Variants in RIN3 observed in about 807,000 individuals in gnomAD.
RIN3 encodes the protein Ras and Rab interactor 3, also known as RAB5 interacting protein 3.
RIN3 carries 54 observed loss-of-function variants against 76.3 expected under a neutral mutation model. The observed-to-expected ratio is 0.71, with a 90% CI of 0.57 to 0.89. RIN3 has a LOEUF of 0.89. Among genes scored for constraint, RIN3 ranks in the 40% least tolerant of loss-of-function variants. The pLI is 0.00. For missense variants in RIN3, 1,256 were observed against 1,322.1 expected, an observed-to-expected ratio of 0.95 and a Z score of 0.78; for synonymous variants, 576 against 564.0, an observed-to-expected ratio of 1.02 and a Z score of -0.30.
Position 92,568,551 on chromosome 14 carries a change from C to A in RIN3, c.250-8809C>A, listed in dbSNP as rs1223248130. Reference sequence around the variant, plus strand: ...CTCCCCAGAGAGGAACAGAACAGACCCTCTGATTCCAGTTGGCCAAGGCAG... The same window carrying A: ...CTCCCCAGAGAGGAACAGAACAGACACTCTGATTCCAGTTGGCCAAGGCAG... On this transcript the variant is annotated intron_variant, in intron 2 of 9. Transcript: ENST00000216487. The surrounding 1 kb of genome is among the most constrained non-coding windows in gnomAD (Gnocchi z 4.2). Among the ~76,000 whole-genome samples the A allele has an allele frequency of 1.3e-5, 2 of 152,226 alleles. No individual in the cohort carries two copies. The highest frequency in any genetic ancestry group is 4.8e-5 in the African/African-American group (2 of 41,452).
intron 3 of RIN3, among the ~76,000 whole-genome samples, chr14:92,579,705 G>C (rs1898375057): frequency 6.6e-6 from 1 of 152,236 alleles, no homozygotes; most frequent in Admixed American, 6.5e-5. Flanking sequence ...AAACATGTGT[G>C]CCTGGCACTG....
At chr14:92,552,735 C>A (rs889626567) in intron 1 of RIN3, among the ~76,000 whole-genome samples, 1 of 152,146 alleles carries the variant, frequency 6.6e-6, no homozygotes, top group African/African-American at 2.4e-5. Context: ...CAGTTTGGAA[C>A]TGTCCCCCAT....
At chr14:92,604,193 A>G (rs896850552) in intron 3 of RIN3, among the ~76,000 whole-genome samples, 2 of 152,100 alleles carry the variant, frequency 1.3e-5, no homozygotes, top group Non-Finnish European at 2.9e-5. Flanking sequence ...GAAGGGCCTC[A>G]CTTCCCCATC....
chr14:92,627,878 A>G (rs1309002440), intron 4 of RIN3, among the ~76,000 whole-genome samples: 1 of 152,206 alleles, frequency 6.6e-6, no homozygotes, highest in Non-Finnish European at 1.5e-5. Context: ...TTTTCTCAGC[A>G]AGGCAATTTA....
chr14:92,652,188 A>C lies in RIN3; in HGVS notation c.1139A>C (p.Lys380Thr). Residue 380 changes from lysine (K) to threonine (T), a missense_variant, in exon 6 of 10, where the codon AAG becomes ACG. Coordinates refer to ENST00000216487, the MANE Select transcript of RIN3 (RefSeq NM_024832.5). The surrounding 1 kb of genome is among the most constrained non-coding windows in gnomAD (Gnocchi z 6.4). ...CCCGCCCCGCCACTGCCTGCGAAGA[A>C]GAACCTTCCCACTGCCCCTCCCAGA... ...QVPAPPLPAKKNLPTAPPRRR... is the reference protein window; with the variant it reads ...QVPAPPLPAKTNLPTAPPRRR... 6.2e-7 allele frequency: 1 copy of C among 1,605,250 alleles called. No homozygotes were observed. The highest frequency in any genetic ancestry group is 8.5e-7 in the Non-Finnish European group (1 of 1,174,338).
In RIN3 at chr14:92,688,479, T is replaced by A. The variant is rs1162156474; in HGVS notation, c.*227T>A. ...AGACACCGAGACGGCATGTTCTTCATTAGACGGAAAGGGAAACTGAGGCTC... is the reference window on the plus strand; with the variant it reads ...AGACACCGAGACGGCATGTTCTTCAATAGACGGAAAGGGAAACTGAGGCTC... On this transcript the variant is annotated 3_prime_UTR_variant, in exon 10 of 10. Transcript: ENST00000216487. 3.6e-6 allele frequency: 2 copies of A among 558,978 alleles called. No individual in the cohort carries two copies. The highest frequency in any genetic ancestry group is 2.4e-5 in the South Asian group (1 of 41,824). The allele number at this position is 558,978 out of a possible 1,614,324, so 34.6% of individuals were successfully genotyped here.
At chr14:92,531,846 G>A (rs1241107617) in intron 1 of RIN3, among the ~76,000 whole-genome samples, 1 of 152,012 alleles carries the variant, frequency 6.6e-6, no homozygotes, top group Non-Finnish European at 1.5e-5. Flanking sequence ...CTCTGCCAAA[G>A]CACAACTCTC....
intron 1 of RIN3, among the ~76,000 whole-genome samples, chr14:92,542,852 T>C (rs1272015131): frequency 6.6e-6 from 1 of 152,220 alleles, no homozygotes; most frequent in Admixed American, 6.5e-5. Context: ...ACATAGTGTA[T>C]GCCTCTGTTT....
At chr14:92,536,130 C>T (rs1158235268) in intron 1 of RIN3, among the ~76,000 whole-genome samples, 3 of 152,212 alleles carry the variant, frequency 2.0e-5, no homozygotes, top group Non-Finnish European at 4.4e-5. Context: ...ATCACTTCGG[C>T]TTTATCATAA....
chr14:92,683,746 A>C (rs930189652), intron 8 of RIN3, among the ~76,000 whole-genome samples: 5 of 152,242 alleles, frequency 3.3e-5, no homozygotes, highest in Non-Finnish European at 7.3e-5. Context: ...TAAGAAATGG[A>C]TACATAAATG....
chr14:92,659,481 G>C lies in RIN3; in HGVS notation c.2335+12G>C, dbSNP rs562921208. 7 of 1,582,746 alleles carry C rather than the reference G, an allele frequency of 4.4e-6. No individual in the cohort carries two copies. The South Asian group carries it at 7.0e-5, about 16-fold the overall frequency. ...CCTCGGCAACCCAGGTCAGTGGGCA[G>C]CCGGGAGGGGTCTGGGTGAGGAGCT... is the stretch of plus-strand genomic sequence containing the variant. On this transcript the variant is annotated intron_variant, in intron 7 of 9. Coordinates refer to ENST00000216487, the MANE Select transcript of RIN3 (RefSeq NM_024832.5).
intron 7 of RIN3, among the ~76,000 whole-genome samples, chr14:92,668,591 G>A (rs567893016): frequency 6.6e-6 from 1 of 152,200 alleles, no homozygotes; most frequent in Non-Finnish European, 1.5e-5. Flanking sequence ...GAGAGAGGGG[G>A]CTGGGTTCTA....
At position 92,676,595 on chromosome 14, in the gene RIN3, AG is replaced by A; in HGVS notation, c.2457del (p.Gln819HisfsTer9). The A allele has an allele frequency of 6.2e-7, 1 of 1,613,522 alleles. No homozygotes were observed. The highest frequency in any genetic ancestry group is 8.5e-7 in the Non-Finnish European group (1 of 1,179,762). ...ATGGAGCTCATGGACCCCGCCCTGC[AG>A]CTGGGGGAGGGTGAGTCACCACCCC... The part of the protein sequence containing the change: ...YMMELMDPAL[Q>X]LGEGSYYLTT... On this transcript the variant is annotated frameshift_variant, in exon 8 of 10. Coordinates refer to ENST00000216487, the MANE Select transcript of RIN3 (RefSeq NM_024832.5). LOFTEE classifies it high-confidence loss of function.
At chr14:92,562,015 C>T (rs146510636) in intron 2 of RIN3, among the ~76,000 whole-genome samples, 22 of 152,282 alleles carry the variant, frequency 1.4e-4, no homozygotes, top group African/African-American at 3.1e-4. Flanking sequence ...TTCTCTGCTC[C>T]GGGATCCCAT....
At chr14:92,515,020 A>G in intron 1 of RIN3, 1 of 469,710 alleles carries the variant, frequency 2.1e-6, no homozygotes, top group Non-Finnish European at 3.8e-6. Flanking sequence ...GAAACAGGAG[A>G]GTTGGGCCCA....
In RIN3 at chr14:92,568,734, C is replaced by T. The variant is rs576358920; in HGVS notation, c.250-8626C>T. Reference sequence around the variant, plus strand: ...TCGTGAACTCACAGCCTCCAGCCTCCTCTGCCCCAGGCCAGCGCCTTATCA... The same window carrying T: ...TCGTGAACTCACAGCCTCCAGCCTCTTCTGCCCCAGGCCAGCGCCTTATCA... On this transcript the variant is annotated intron_variant, in intron 2 of 9. Coordinates refer to ENST00000216487, the MANE Select transcript of RIN3 (RefSeq NM_024832.5). The surrounding 1 kb of genome is among the most constrained non-coding windows in gnomAD (Gnocchi z 4.2). Among the ~76,000 whole-genome samples the T allele has an allele frequency of 6.6e-6, 1 of 152,394 alleles. No individual in the cohort carries two copies. The highest frequency in any genetic ancestry group is 2.4e-5 in the African/African-American group (1 of 41,594).
At chr14:92,595,734 T>TA (rs1197743539) in intron 3 of RIN3, among the ~76,000 whole-genome samples, 1 of 152,160 alleles carries the variant, frequency 6.6e-6, no homozygotes, top group African/African-American at 2.4e-5. Context: ...AAGAGACAGA[T>TA]ACAAAATGCC....
chr14:92,530,548 C>T (rs758810413), intron 1 of RIN3, among the ~76,000 whole-genome samples: 5 of 151,852 alleles, frequency 3.3e-5, no homozygotes, highest in Non-Finnish European at 7.4e-5. Flanking sequence ...CCCCCTGAGG[C>T]TGAGACTGCA....
intron 1 of RIN3, among the ~76,000 whole-genome samples, chr14:92,522,144 G>C (rs1396535375): frequency 2.6e-5 from 4 of 152,104 alleles, no homozygotes; most frequent in African/African-American, 9.7e-5. Context: ...CCACAGTTCT[G>C]TTCTTCCGGG....
Sources: allele counts gnomAD v4.1 joint callset (sites outside exome capture counted in the v4.1 genomes callset), GRCh38; gene constraint gnomAD v4.1.1; non-coding constraint Gnocchi (gnomAD v3.1); transcripts MANE v1.5; gene names NCBI Gene and HGNC (gene_info 2026-07-23, HGNC 2026-07-21).